CCDC7: variants seen among roughly 807,000 people sequenced by gnomAD.
The protein encoded by CCDC7 is coiled-coil domain-containing protein 7.
CCDC7 carries 183 observed loss-of-function variants against 196.9 expected under a neutral mutation model. The observed-to-expected ratio is 0.93, with a 90% confidence interval of 0.82 to 1.05. The LOEUF is 1.05. Ranked by LOEUF, CCDC7 falls within the 50% of genes least tolerant of loss-of-function variation. CCDC7 has a pLI of 0.00. For missense variants in CCDC7, 1,540 were observed against 1,482.2 expected (o/e 1.04, Z -0.64); for synonymous variants, 525 against 484.6 (o/e 1.08, Z -1.10).
chr10:32,625,172 G>T (rs1405001773), intron 18 of CCDC7, among the ~76,000 whole-genome samples: 1 of 150,976 alleles, frequency 6.6e-6, no homozygotes, highest in African/African-American at 2.4e-5. Flanking sequence ...TTAATTCATT[G>T]AGTTGATTTT....
At chr10:32,860,227 G>A (rs1298649217) in intron 41 of CCDC7, among the ~76,000 whole-genome samples, 2 of 152,164 alleles carry the variant, frequency 1.3e-5, no homozygotes, top group Admixed American at 6.5e-5. Flanking sequence ...GATTAAGCCG[G>A]CTTCATCCCT....
intron 25 of CCDC7, among the ~76,000 whole-genome samples, chr10:32,717,359 A>G (rs879701113): frequency 1.3e-5 from 2 of 152,216 alleles, no homozygotes; most frequent in African/African-American, 4.8e-5. Context: ...ATGTACAAGA[A>G]TCTCTGGAAC....
chr10:32,749,127 A>G (rs1386991011), intron 28 of CCDC7, among the ~76,000 whole-genome samples: 5 of 152,248 alleles, frequency 3.3e-5, no homozygotes, highest in Non-Finnish European at 1.5e-5. Flanking sequence ...CCCTATCTTT[A>G]CCTGTTTCTC....
At chr10:32,473,699 T>C (rs949490582) in intron 7 of CCDC7, among the ~76,000 whole-genome samples, 1 of 152,168 alleles carries the variant, frequency 6.6e-6, no homozygotes, top group Non-Finnish European at 1.5e-5. Context: ...TAGATAATGA[T>C]GGTACCATCA....
intron 20 of CCDC7, 80 bp downstream of exon 21, chr10:32,635,238 A>G: frequency 2.6e-6 from 1 of 391,370 alleles, no homozygotes; most frequent in South Asian, 1.4e-4. Flanking sequence ...GAATATATCT[A>G]CAACTTTTTT....
chr10:32,846,601 G>A (rs2093308521), intron 37 of CCDC7, 142 bp downstream of exon 38: 2 of 545,976 alleles, frequency 3.7e-6, no homozygotes, highest in Admixed American at 6.8e-5. Flanking sequence ...CTTTAATTAA[G>A]CTCTAGCATT....
chr10:32,758,958 CAGAG>C (rs1000492886), intron 28 of CCDC7, among the ~76,000 whole-genome samples: 1 of 152,082 alleles, frequency 6.6e-6, no homozygotes, highest in Non-Finnish European at 1.5e-5. Flanking sequence ...CAATAGCAGA[CAGAG>C]AGCCAAATCA....
intron 16 of CCDC7, among the ~76,000 whole-genome samples, chr10:32,572,168 T>G (rs1051776673): frequency 1.3e-5 from 2 of 152,098 alleles, no homozygotes; most frequent in Non-Finnish European, 2.9e-5. Flanking sequence ...TTCCAGATAG[T>G]GAGGAACTAA....
chr10:32,596,444 G>A (rs1016741968), intron 18 of CCDC7, among the ~76,000 whole-genome samples: 1 of 151,988 alleles, frequency 6.6e-6, no homozygotes, highest in Non-Finnish European at 1.5e-5. Context: ...ACATGAGATG[G>A]TTCTCCTGAA....
In CCDC7 at chr10:32,719,044, A is replaced by G. The variant is rs115722438; in HGVS notation, c.2569+7314A>G. ...ACTACTTTAAGTTTCATATGGAACC[A>G]AAAAAAGAGCCCGTATAGTCAAGAC... On this transcript the variant is annotated intron_variant, in intron 25 of 41. Coordinates refer to ENST00000639629, the Ensembl canonical transcript of CCDC7. Among the ~76,000 whole-genome samples the G allele has an allele frequency of 7.5e-3, 1,143 of 152,192 alleles. 21 individuals are homozygous for G. Among genetic ancestry groups the G allele is most frequent in the African/African-American group, 0.025 (1,054 of 41,552 alleles).
intron 24 of CCDC7, 75 bp downstream of exon 25, chr10:32,695,067 CTATGTAGTTGAGCA>C (rs1219854171): frequency 1.4e-6 from 1 of 702,898 alleles, no homozygotes; most frequent in Admixed American, 3.2e-5. Context: ...TGGTTCATGA[CTATGTAGTTGAGCA>C]TATAGTTTAT....
chr10:32,874,175 A>G (rs1020060194), intron 41 of CCDC7, among the ~76,000 whole-genome samples: 1 of 148,782 alleles, frequency 6.7e-6, no homozygotes, highest in African/African-American at 2.4e-5. Flanking sequence ...ATATTCAATT[A>G]TAAAGATATA....
At chr10:32,504,553 T>C (rs576688516) in intron 9 of CCDC7, among the ~76,000 whole-genome samples, 1 of 152,372 alleles carries the variant, frequency 6.6e-6, no homozygotes, top group South Asian at 2.1e-4. Flanking sequence ...TGCAATAAAC[T>C]TCCCACTTAG....
At chr10:32,613,285 A>G (rs946111333) in intron 18 of CCDC7, among the ~76,000 whole-genome samples, 2 of 151,608 alleles carry the variant, frequency 1.3e-5, no homozygotes, top group African/African-American at 4.9e-5. Flanking sequence ...TATCGATTTT[A>G]TTGTGTCTAT....
intron 21 of CCDC7, among the ~76,000 whole-genome samples, chr10:32,676,854 G>A (rs2075068312): frequency 6.6e-6 from 1 of 152,132 alleles, no homozygotes; most frequent in East Asian, 1.9e-4. Context: ...ATTTGACCTA[G>A]CCATCCCATT....
chr10:32,471,306 T>A (rs1307261628), intron 6 of CCDC7, 76 bp downstream of exon 7: 1 of 1,511,672 alleles, frequency 6.6e-7, no homozygotes, highest in Non-Finnish European at 8.9e-7. Context: ...TGTAAGATAA[T>A]GGGTCAGATA....
chr10:32,807,077 A>G (rs745569126), intron 30 of CCDC7, among the ~76,000 whole-genome samples: 1 of 152,212 alleles, frequency 6.6e-6, no homozygotes, highest in African/African-American at 2.4e-5. Flanking sequence ...AGACTTTTTT[A>G]AATTAGAAAA....
chr10:32,877,107 C>T (rs1231431965), downstream of CCDC7: 2 of 151,964 alleles, frequency 1.3e-5, no homozygotes, highest in East Asian at 3.9e-4. Context: ...AATTGGATTT[C>T]TACTCAAACA....
intron 22 of CCDC7, among the ~76,000 whole-genome samples, chr10:32,882,219 G>A (rs1403929875): frequency 6.6e-6 from 1 of 152,128 alleles, no homozygotes; most frequent in Non-Finnish European, 1.5e-5. Context: ...GTCAGCAGAT[G>A]GAAAATTGTT....
Sources: gnomAD v4.1 joint callset for allele counts (sites outside exome capture counted in the v4.1 genomes callset) on GRCh38, gnomAD v4.1.1 for gene constraint, MANE v1.5 for transcripts, NCBI Gene and HGNC (gene_info 2026-07-23, HGNC 2026-07-21) for gene names.